MTUS1: variants seen among roughly 807,000 people sequenced by gnomAD.
The protein encoded by MTUS1 is microtubule-associated tumor suppressor 1.
MTUS1 carries 109 observed loss-of-function variants against 120.8 expected under a neutral mutation model. The observed-to-expected ratio is 0.90, with a 90% confidence interval of 0.77 to 1.06. The LOEUF is 1.06. Among genes scored for constraint, MTUS1 ranks in the 50% least tolerant of loss-of-function variants. The pLI is 0.00. For missense variants in MTUS1, 2,210 were observed against 1,486.3 expected, an observed-to-expected ratio of 1.49 and a Z score of -8.01; for synonymous variants, 737 against 550.5, an observed-to-expected ratio of 1.34 and a Z score of -4.74.
chr8:17,756,212 C>A (rs2048597440), intron 1 of MTUS1, among the ~76,000 whole-genome samples: 1 of 152,178 alleles, frequency 6.6e-6, no homozygotes, highest in African/African-American at 2.4e-5. Context: ...CTGTCCCTGA[C>A]TTTATAACTG....
chr8:17,676,989 C>T (rs553594724), intron 7 of MTUS1, among the ~76,000 whole-genome samples: 3 of 152,158 alleles, frequency 2.0e-5, no homozygotes, highest in Non-Finnish European at 4.4e-5. Context: ...CAAGTCTAAA[C>T]GCCAGCACTG....
At chr8:17,733,265 C>T (rs1004868617) in intron 3 of MTUS1, among the ~76,000 whole-genome samples, 8 of 151,658 alleles carry the variant, frequency 5.3e-5, no homozygotes, top group African/African-American at 1.7e-4. Flanking sequence ...GCAGGAGAAT[C>T]GCTTAAACCA....
At position 17,718,123 on chromosome 8, in the gene MTUS1, G is replaced by C. The variant is rs7015404; in HGVS notation, c.2450-2222C>G. On this transcript the variant is annotated intron_variant, in intron 4 of 14. Transcript: ENST00000693296. ...TTTCTACTTACTGTACTCTAGGCTGGCCCACTGCTTTCCAGTAAACCCCAA... is the reference window on the plus strand; with the variant it reads ...TTTCTACTTACTGTACTCTAGGCTGCCCCACTGCTTTCCAGTAAACCCCAA... Among the ~76,000 whole-genome samples the C allele has an allele frequency of 1.9e-3, 290 of 152,132 alleles. 1 individual carries two copies. Among genetic ancestry groups the C allele is most frequent in the African/African-American group, 6.7e-3 (279 of 41,504 alleles).
chr8:17,709,796 C>T (rs1192563780), intron 6 of MTUS1, among the ~76,000 whole-genome samples: 3 of 152,008 alleles, frequency 2.0e-5, no homozygotes, highest in Non-Finnish European at 4.4e-5. Context: ...ATCATGAAGT[C>T]AGGAGATGGA....
intron 1 of MTUS1, chr8:17,800,850 C>T (rs1285240432): frequency 1.3e-5 from 2 of 152,578 alleles, no homozygotes; most frequent in South Asian, 2.1e-4. Context: ...CGCATCCGTC[C>T]CTTCCGCAGG....
chr8:17,796,108 C>A (rs1216275234), intron 1 of MTUS1, among the ~76,000 whole-genome samples: 2 of 151,856 alleles, frequency 1.3e-5, no homozygotes, highest in Non-Finnish European at 2.9e-5. Flanking sequence ...CACCACCACA[C>A]CCAGCTAATT....
rs370610529 is a variant in MTUS1, at chr8:17,699,506, G to A, written c.2623+13708C>T. Among the ~76,000 whole-genome samples the A allele has an allele frequency of 1.2e-3, 176 of 152,174 alleles. 2 individuals are homozygous for A. The highest frequency in any genetic ancestry group is 2.3e-3 in the African/African-American group (97 of 41,506). ...TGGGATTACAGGGGTGAGCCACCAC[G>A]CCCAGCCTTAAATTATCCTTGTTAA... is the stretch of plus-strand genomic sequence containing the variant. On this transcript the variant is annotated intron_variant, in intron 6 of 14. Coordinates refer to ENST00000693296, the MANE Select transcript of MTUS1 (RefSeq NM_001363059.2).
intron 8 of MTUS1, among the ~76,000 whole-genome samples, chr8:17,657,522 C>G (rs1258367595): frequency 6.7e-6 from 1 of 149,166 alleles, no homozygotes; most frequent in Non-Finnish European, 1.5e-5. Context: ...GAGCCGAGAT[C>G]CCGCCACTGC....
At chr8:17,733,089 G>A (rs914104500) in intron 3 of MTUS1, among the ~76,000 whole-genome samples, 1 of 152,084 alleles carries the variant, frequency 6.6e-6, no homozygotes, top group Non-Finnish European at 1.5e-5. Flanking sequence ...GGTGCCTCAC[G>A]CCCGTAATCC....
intron 2 of MTUS1, among the ~76,000 whole-genome samples, chr8:17,747,438 T>C (rs552092788): frequency 2.0e-5 from 3 of 152,080 alleles, no homozygotes; most frequent in Non-Finnish European, 2.9e-5. Context: ...GCAATCAACA[T>C]ACCCTTGCCT....
At chr8:17,749,161 T>C (rs551642381) in intron 2 of MTUS1, among the ~76,000 whole-genome samples, 100 of 152,212 alleles carry the variant, frequency 6.6e-4, no homozygotes, top group Non-Finnish European at 1.1e-3. Flanking sequence ...CTGACCAGCA[T>C]TAACATCAAC....
At chr8:17,763,942 A>C (rs2049253716) in intron 1 of MTUS1, among the ~76,000 whole-genome samples, 1 of 152,226 alleles carries the variant, frequency 6.6e-6, no homozygotes, top group African/African-American at 2.4e-5. Flanking sequence ...GAAACGTGTT[A>C]AAGATGACGG....
chr8:17,743,146 A>G (rs746369479), intron 3 of MTUS1, among the ~76,000 whole-genome samples: 68 of 152,224 alleles, frequency 4.5e-4, no homozygotes, highest in Non-Finnish European at 5.9e-5. Flanking sequence ...AGTTCACATT[A>G]GAAAAATTTA....
intron 4 of MTUS1, among the ~76,000 whole-genome samples, chr8:17,717,842 ACACC>A (rs1416480523): frequency 6.6e-6 from 1 of 152,182 alleles, no homozygotes; most frequent in African/African-American, 2.4e-5. Flanking sequence ...ACCCGGCACC[ACACC>A]CATCATCAGC....
At chr8:17,706,566 G>A (rs897275460) in intron 6 of MTUS1, among the ~76,000 whole-genome samples, 5 of 152,146 alleles carry the variant, frequency 3.3e-5, no homozygotes, top group Admixed American at 2.0e-4. Flanking sequence ...GATGAAGCCA[G>A]GTGTCTTTTA....
chr8:17,736,646 G>A (rs1395030513), intron 3 of MTUS1, among the ~76,000 whole-genome samples: 1 of 151,886 alleles, frequency 6.6e-6, no homozygotes, highest in East Asian at 1.9e-4. Context: ...GTGCAGTGGT[G>A]CGACCTCAGC....
At chr8:17,660,096 G>C (rs187443559) in intron 8 of MTUS1, among the ~76,000 whole-genome samples, 2 of 152,238 alleles carry the variant, frequency 1.3e-5, no homozygotes, top group Admixed American at 1.3e-4. Flanking sequence ...TTGTTGGCCG[G>C]GTGCAGTGGC....
chr8:17,740,051 C>G (rs571564658), intron 3 of MTUS1, among the ~76,000 whole-genome samples: 3 of 151,982 alleles, frequency 2.0e-5, no homozygotes, highest in African/African-American at 7.2e-5. Context: ...ACTAAAAATA[C>G]AAAAAATTAG....
intron 1 of MTUS1, among the ~76,000 whole-genome samples, chr8:17,789,275 C>A (rs1017440331): frequency 6.6e-6 from 1 of 152,168 alleles, no homozygotes; most frequent in Non-Finnish European, 1.5e-5. Flanking sequence ...AGGTGATCTG[C>A]CCGCCTTGGC....
Sources: allele counts gnomAD v4.1 joint callset (sites outside exome capture counted in the v4.1 genomes callset), GRCh38; gene constraint gnomAD v4.1.1; transcripts MANE v1.5; gene names NCBI Gene and HGNC (gene_info 2026-07-23, HGNC 2026-07-21).